Variants in CTNNA3 observed in about 807,000 individuals in gnomAD.
CTNNA3 encodes the protein catenin alpha 3.
Under a neutral mutation model 95.7 loss-of-function variants are expected in CTNNA3, and 76 were observed. The ratio of observed to expected loss-of-function variants is 0.79; its 90% CI spans 0.66 to 0.96. The LOEUF is 0.96. Among genes scored for constraint, CTNNA3 ranks in the 40% least tolerant of loss-of-function variants. The pLI, the probability that CTNNA3 is intolerant of heterozygous loss-of-function variation, is 0.00. For missense variants in CTNNA3, 1,191 were observed against 1,089.8 expected, an observed-to-expected ratio of 1.09 and a Z score of -1.31; for synonymous variants, 431 against 374.4, an observed-to-expected ratio of 1.15 and a Z score of -1.74.
chr10:67,257,255 T>A (rs990346555), intron 5 of CTNNA3, among the ~76,000 whole-genome samples: 1 of 152,096 alleles, frequency 6.6e-6, no homozygotes, highest in Admixed American at 6.5e-5. Flanking sequence ...ACAAGCAGGC[T>A]CTTGGGGAGA....
chr10:67,123,202 CTT>C, intron 7 of CTNNA3, among the ~76,000 whole-genome samples: 1 of 151,926 alleles, frequency 6.6e-6, no homozygotes, highest in Non-Finnish European at 1.5e-5. Flanking sequence ...AGGCAAAAAG[CTT>C]TCTCTCCTTA....
intron 14 of CTNNA3, among the ~76,000 whole-genome samples, chr10:66,087,625 T>A (rs1467790897): frequency 6.6e-6 from 1 of 152,162 alleles, no homozygotes; most frequent in Non-Finnish European, 1.5e-5. Context: ...ACGGAGCCAG[T>A]GATCTCTGGA....
chr10:67,250,465 T>C (rs1204279132), intron 5 of CTNNA3, among the ~76,000 whole-genome samples: 1 of 151,826 alleles, frequency 6.6e-6, no homozygotes, highest in Non-Finnish European at 1.5e-5. Flanking sequence ...TCTGCTCACC[T>C]CGGCCTCCCA....
chr10:66,945,967 A>G (rs761446380), intron 7 of CTNNA3, among the ~76,000 whole-genome samples: 28 of 152,180 alleles, frequency 1.8e-4, no homozygotes, highest in Non-Finnish European at 4.0e-4. Context: ...AACATCAAAG[A>G]TCATGGATCA....
intron 9 of CTNNA3, among the ~76,000 whole-genome samples, chr10:66,744,401 A>G (rs1849433773): frequency 6.6e-6 from 1 of 152,208 alleles, no homozygotes; most frequent in African/African-American, 2.4e-5. Flanking sequence ...GAAGCACCTT[A>G]TAGATCATCA....
At chr10:66,732,941 A>C (rs1167507957) in intron 9 of CTNNA3, among the ~76,000 whole-genome samples, 1 of 151,944 alleles carries the variant, frequency 6.6e-6, no homozygotes, top group Non-Finnish European at 1.5e-5. Flanking sequence ...GATTACAGGC[A>C]CCAGCCACCG....
At chr10:66,512,880 C>T (rs534880871) in intron 11 of CTNNA3, among the ~76,000 whole-genome samples, 15 of 152,198 alleles carry the variant, frequency 9.9e-5, no homozygotes, top group East Asian at 1.9e-4. Context: ...TGCTGTTAGT[C>T]GGACAAAGAT....
chr10:66,121,926 T>G (rs2082602159), intron 13 of CTNNA3, among the ~76,000 whole-genome samples: 1 of 152,226 alleles, frequency 6.6e-6, no homozygotes, highest in Non-Finnish European at 1.5e-5. Flanking sequence ...GTACAAAAGA[T>G]GTTCATGGTT....
intron 10 of CTNNA3, among the ~76,000 whole-genome samples, chr10:66,527,055 T>A (rs144578447): frequency 6.6e-6 from 1 of 152,178 alleles, no homozygotes; most frequent in South Asian, 2.1e-4. Flanking sequence ...GTTCTATATT[T>A]TTAGTCACTA....
intron 4 of CTNNA3, among the ~76,000 whole-genome samples, chr10:67,533,638 T>C (rs1354126345): frequency 6.6e-6 from 1 of 152,188 alleles, no homozygotes; most frequent in Non-Finnish European, 1.5e-5. Context: ...AAGTGCCATG[T>C]CAGGAATCCT....
chr10:65,923,862 C>T (rs1000888635), intron 17 of CTNNA3, among the ~76,000 whole-genome samples: 24 of 152,174 alleles, frequency 1.6e-4, no homozygotes, highest in Middle Eastern at 6.8e-3. Context: ...GACATTTATT[C>T]AGTTATAATC....
intron 7 of CTNNA3, among the ~76,000 whole-genome samples, chr10:67,067,154 T>A (rs1006645838): frequency 6.6e-6 from 1 of 152,166 alleles, no homozygotes; most frequent in African/African-American, 2.4e-5. Flanking sequence ...ACATATGACA[T>A]AAGCATGTCA....
intron 11 of CTNNA3, among the ~76,000 whole-genome samples, chr10:66,458,558 C>T (rs1440624637): frequency 6.6e-6 from 1 of 152,118 alleles, no homozygotes; most frequent in East Asian, 1.9e-4. Context: ...AACTAAAACT[C>T]TGTACCCATT....
chr10:66,645,335 A>AT (rs1845669895), intron 9 of CTNNA3, among the ~76,000 whole-genome samples: 1 of 151,954 alleles, frequency 6.6e-6, no homozygotes. Context: ...TTATATTATA[A>AT]TTTTTTAATA....
At position 65,966,690 on chromosome 10, in the gene CTNNA3, G is replaced by A; in HGVS notation, c.2322C>T (p.Phe774=). Residue 774 remains phenylalanine, a synonymous_variant, in exon 17 of 18, where the codon TTC becomes TTT. Transcript: ENST00000433211. ...DLLAYLEQIK[F]YSHQLKICSQ... ...TGCAGATTTTCAGTTGGTGGGAGTAGAACTTAATCTGTTCCAGGTAGGCCA... is the reference window on the plus strand; with the variant it reads ...TGCAGATTTTCAGTTGGTGGGAGTAAAACTTAATCTGTTCCAGGTAGGCCA... 6.2e-7 allele frequency: 1 copy of A among 1,613,656 alleles called. No homozygotes were observed. Among genetic ancestry groups the A allele is most frequent in the Non-Finnish European group, 8.5e-7 (1 of 1,179,654 alleles).
chr10:67,642,854 T>C (rs1220984032), intron 2 of CTNNA3, among the ~76,000 whole-genome samples: 1 of 152,142 alleles, frequency 6.6e-6, no homozygotes, highest in Non-Finnish European at 1.5e-5. Context: ...GAAAAAGGAA[T>C]GCTTTTACAT....
intron 10 of CTNNA3, among the ~76,000 whole-genome samples, chr10:66,554,885 A>T (rs1842343644): frequency 6.6e-6 from 1 of 151,102 alleles, no homozygotes; most frequent in South Asian, 2.1e-4. Context: ...CTGTTCTTCT[A>T]CTTTTTGGTT....
At chr10:66,338,124 A>G (rs2092415374) in intron 12 of CTNNA3, among the ~76,000 whole-genome samples, 1 of 152,086 alleles carries the variant, frequency 6.6e-6, no homozygotes, top group Non-Finnish European at 1.5e-5. Context: ...AGCCATAAAA[A>G]GGAATGAAGT....
upstream of CTNNA3, among the ~76,000 whole-genome samples, chr10:67,700,115 G>A (rs1034571563): frequency 6.6e-6 from 1 of 152,260 alleles, no homozygotes; most frequent in Non-Finnish European, 1.5e-5. Context: ...AAACAAAGCA[G>A]CCAGGAAGCT....
Sources: gnomAD v4.1 joint callset for allele counts (sites outside exome capture counted in the v4.1 genomes callset) on GRCh38, gnomAD v4.1.1 for gene constraint, MANE v1.5 for transcripts, NCBI Gene and HGNC (gene_info 2026-07-23, HGNC 2026-07-21) for gene names.